The following GARIN2 variants were observed in gnomAD, a reference collection of about 807,000 sequenced individuals.
GARIN2 encodes golgi associated RAB2 interactor family member 2, also known as Golgi-associated RAB2 interactor protein 2.
chr14:67,199,318 G>T, the GARIN2 span: 1 of 1,611,854 alleles, frequency 6.2e-7, no homozygotes. Context: ...CAATACGGGT[G>T]AACAAGGCAT....
chr14:67,219,163 C>T, the GARIN2 span, among the ~76,000 whole-genome samples: 9 of 152,138 alleles, frequency 5.9e-5, no homozygotes, highest in Non-Finnish European at 1.3e-4. Flanking sequence ...TGTGTGAATT[C>T]CTAGCAACTC....
chr14:67,196,146 A>C, the GARIN2 span, among the ~76,000 whole-genome samples: 3 of 151,896 alleles, frequency 2.0e-5, no homozygotes, highest in African/African-American at 7.3e-5. Flanking sequence ...TCTAGTCTTT[A>C]GGACCTTCTT....
the GARIN2 span, among the ~76,000 whole-genome samples, chr14:67,216,080 C>T: frequency 1.3e-5 from 2 of 152,200 alleles, no homozygotes; most frequent in Non-Finnish European, 2.9e-5. Context: ...ACCGTGTCCT[C>T]CTACCAATCC....
the GARIN2 span, among the ~76,000 whole-genome samples, chr14:67,213,633 A>G: frequency 6.6e-6 from 1 of 152,114 alleles, no homozygotes; most frequent in Non-Finnish European, 1.5e-5. Context: ...TTACGTGTGC[A>G]TGTGTCTTTA....
the GARIN2 span, among the ~76,000 whole-genome samples, chr14:67,217,906 T>C: frequency 2.6e-5 from 4 of 152,214 alleles, no homozygotes; most frequent in African/African-American, 9.6e-5. Context: ...AAAAAATGCC[T>C]CCTCCAATTT....
the GARIN2 span, among the ~76,000 whole-genome samples, chr14:67,193,335 T>TATCTATCTATATATAG: frequency 4.1e-4 from 57 of 138,948 alleles, no homozygotes; most frequent in Non-Finnish European, 7.8e-4. Flanking sequence ...TATCTCTATA[T>TATCTATCTATATATAG]AGATATCTAT....
At chr14:67,201,671 T>C in the GARIN2 span, 1 of 385,032 alleles carries the variant, frequency 2.6e-6, no homozygotes, top group Non-Finnish European at 5.2e-6. Context: ...ATCCCTGAGC[T>C]GGGTCATCAT....
the GARIN2 span, among the ~76,000 whole-genome samples, chr14:67,215,972 T>C: frequency 6.6e-6 from 1 of 152,148 alleles, no homozygotes; most frequent in African/African-American, 2.4e-5. Flanking sequence ...TTTTAAAAAA[T>C]TGATGAAAAA....
the GARIN2 span, chr14:67,200,021 A>G: frequency 3.1e-6 from 3 of 958,466 alleles, no homozygotes; most frequent in Non-Finnish European, 4.7e-6. Flanking sequence ...GGTTTAGGAC[A>G]TCCCCATTCT....
chr14:67,218,368 T>G, the GARIN2 span, among the ~76,000 whole-genome samples: 2 of 151,930 alleles, frequency 1.3e-5, no homozygotes, highest in African/African-American at 4.8e-5. Flanking sequence ...GTTTACTGGG[T>G]GGGTGGCCCA....
At chr14:67,199,155 C>CAACA in the GARIN2 span, 1 of 1,576,436 alleles carries the variant, frequency 6.3e-7, no homozygotes, top group Non-Finnish European at 8.7e-7. Context: ...ACTGTGGGAA[C>CAACA]TGTTTCTCCA....
At chr14:67,194,858 A>G in the GARIN2 span, among the ~76,000 whole-genome samples, 1 of 152,170 alleles carries the variant, frequency 6.6e-6, no homozygotes, top group Non-Finnish European at 1.5e-5. Flanking sequence ...GGGTTTCACA[A>G]CGTTGGCCAG....
chr14:67,215,233 A>C, the GARIN2 span, among the ~76,000 whole-genome samples: 2 of 152,174 alleles, frequency 1.3e-5, no homozygotes, highest in African/African-American at 4.8e-5. Context: ...TGTGGAAAGA[A>C]CTATAGGCTC....
chr14:67,203,052 A>T, the GARIN2 span: 2 of 1,585,222 alleles, frequency 1.3e-6, no homozygotes, highest in Non-Finnish European at 8.6e-7. Context: ...TCAAAGCCAC[A>T]CATTTCATCA....
the GARIN2 span, chr14:67,205,110 T>A: frequency 1.0e-5 from 16 of 1,536,498 alleles, no homozygotes; most frequent in Non-Finnish European, 1.4e-5. Flanking sequence ...CTGAAGACTT[T>A]CATGCTTTAA....
chr14:67,203,119 A>T, the GARIN2 span: 124 of 1,613,290 alleles, frequency 7.7e-5, no homozygotes, highest in African/African-American at 1.6e-3. Context: ...GAATCCATTT[A>T]CCTTCATAAC....
the GARIN2 span, chr14:67,208,504 G>C: frequency 2.2e-5 from 34 of 1,561,768 alleles, no homozygotes; most frequent in Non-Finnish European, 2.8e-5. Flanking sequence ...TATTAATAAA[G>C]AAATATGTGC....
the GARIN2 span, among the ~76,000 whole-genome samples, chr14:67,196,223 CTTT>C: frequency 2.1e-5 from 3 of 143,110 alleles, no homozygotes. Flanking sequence ...TTCTTTCTTT[CTTT>C]TTTTTTTTTG....
chr14:67,223,941 T>A, the GARIN2 span: 7 of 985,180 alleles, frequency 7.1e-6, no homozygotes, highest in African/African-American at 1.7e-5. Flanking sequence ...AAATTAAAAA[T>A]GAGTCCGTAA....
Sources: gnomAD v4.1 joint callset for allele counts (sites outside exome capture counted in the v4.1 genomes callset) on GRCh38, gnomAD v4.1.1 for gene constraint, MANE v1.5 for transcripts, NCBI Gene and HGNC (gene_info 2026-07-23, HGNC 2026-07-21) for gene names.